Variants in DOCK6 observed in about 807,000 individuals in gnomAD.
DOCK6 encodes dedicator of cytokinesis 6, also known as dedicator of cytokinesis protein 6.
Under a neutral mutation model 230.3 loss-of-function variants are expected in DOCK6, and 167 were observed. That is an observed-to-expected ratio of 0.73 (90% CI 0.64 to 0.82). The LOEUF is 0.82. Among genes scored for constraint, DOCK6 ranks in the 40% least tolerant of loss-of-function variants. The pLI is 0.00. For missense variants in DOCK6, 2,598 were observed against 2,825.8 expected (o/e 0.92, Z 1.83); for synonymous variants, 1,148 against 1,185.0 (o/e 0.97, Z 0.64).
chr19:11,206,493 C>T (rs1362651635), intron 39 of DOCK6: 3 of 151,286 alleles, frequency 2.0e-5, no homozygotes, highest in South Asian at 2.1e-4. Flanking sequence ...TCACCTGAGC[C>T]GAGGACATAG....
intron 21 of DOCK6, 52 bp from the exon 22 acceptor site, chr19:11,233,418 C>T: frequency 6.3e-7 from 1 of 1,579,478 alleles, no homozygotes. Context: ...TGTGATGCCT[C>T]CCAGTCCCTT....
intron 1 of DOCK6, among the ~76,000 whole-genome samples, chr19:11,254,310 C>T (rs906812066): frequency 2.0e-5 from 3 of 152,212 alleles, no homozygotes; most frequent in Non-Finnish European, 2.9e-5. Context: ...CTGCGGGGCC[C>T]AGAGCTGGGA....
In DOCK6 at chr19:11,201,217, C is replaced by G. The variant is rs2079164133; in HGVS notation, c.5689-165G>C. ...TGGGTCTGACTCTGGGGGGGTCCAG[C>G]CTTGGGTCTGCTGGGTCTGGTGCCC... On this transcript the variant is annotated intron_variant, in intron 44 of 47. Coordinates refer to ENST00000294618, the MANE Select transcript of DOCK6 (RefSeq NM_020812.4). The surrounding 1 kb of genome is among the most constrained non-coding windows in gnomAD (Gnocchi z 4.3). Among the ~76,000 whole-genome samples, 1 of 151,948 alleles carries G rather than the reference C, an allele frequency of 6.6e-6. No individual in the cohort carries two copies. The highest frequency in any genetic ancestry group is 1.5e-5 in the Non-Finnish European group (1 of 67,968).
rs34909412 is a variant in DOCK6, at chr19:11,252,868, G to A, written c.223C>T (p.Leu75=). The A allele has an allele frequency of 1.4e-4, 218 of 1,613,896 alleles. No homozygotes were observed. In the African/African-American group the frequency reaches 2.6e-3, roughly 20 times the overall value. Residue 75 remains leucine, a synonymous_variant, in exon 3 of 48, where the codon CTG becomes TTG. Coordinates refer to ENST00000294618, the MANE Select transcript of DOCK6 (RefSeq NM_020812.4). ...AAGTCATCAGCTGGGAATTCTACCA[G>A]GTCCCTGAGGGGCCCGGGCTCAGCA... is the stretch of plus-strand genomic sequence containing the variant. ...PDAEPGPLRD[L]VEFPADDLEL...
chr19:11,214,217 G>C (rs2079440643), intron 34 of DOCK6, 58 bp downstream of exon 34: 1 of 1,529,574 alleles, frequency 6.5e-7, no homozygotes, highest in Admixed American at 2.0e-5. Context: ...GAGCCACTGT[G>C]CTCAGCCTAG....
chr19:11,215,404 G>A lies in DOCK6; in HGVS notation c.4089C>T (p.Thr1363=), dbSNP rs1302228948. The A allele has an allele frequency of 6.2e-7, 1 of 1,613,508 alleles. No individual in the cohort carries two copies. The highest frequency in any genetic ancestry group is 1.7e-4 in the Middle Eastern group (1 of 6,058). ...ACACCTACTTGTCCACGCGGTCTGAGGTTTGCTTCCAGTGTGTGACGCTCT... is the reference window on the plus strand; with the variant it reads ...ACACCTACTTGTCCACGCGGTCTGAAGTTTGCTTCCAGTGTGTGACGCTCT... ...WRKSVTHWKQ[T]SDRVDKTKDE... Residue 1363 remains threonine, a synonymous_variant, in exon 32 of 48, where the codon ACC becomes ACT. Transcript: ENST00000294618.
chr19:11,250,960 G>C lies in DOCK6; in HGVS notation c.634C>G (p.Pro212Ala). Residue 212 changes from proline to alanine, a missense_variant, in exon 6 of 48, where the codon CCA becomes GCA. Pro to Ala is a conservative substitution (Grantham distance 27, BLOSUM62 -1). Transcript: ENST00000294618. Reference sequence around the variant, plus strand: ...TCATTGCGCCGGTCCACATCTTCTGGGGCCGCCCGCTCTAGCAGAGAGGGC... The same window carrying C: ...TCATTGCGCCGGTCCACATCTTCTGCGGCCGCCCGCTCTAGCAGAGAGGGC... ...LLPSLLERAAPEDVDRRNETL... is the reference protein window; with the variant it reads ...LLPSLLERAAAEDVDRRNETL... 6.2e-7 allele frequency: 1 copy of C among 1,613,696 alleles called. No homozygotes were observed. The highest frequency in any genetic ancestry group is 2.2e-5 in the East Asian group (1 of 44,860).
intron 6 of DOCK6, among the ~76,000 whole-genome samples, chr19:11,248,602 G>A (rs2080071775): frequency 6.6e-6 from 1 of 151,986 alleles, no homozygotes; most frequent in African/African-American, 2.4e-5. Context: ...CTGAGGCCTG[G>A]GCAGGCACCT....
At chr19:11,209,568 C>G (rs2079328441) in intron 37 of DOCK6, among the ~76,000 whole-genome samples, 2 of 147,102 alleles carry the variant, frequency 1.4e-5, no homozygotes, top group African/African-American at 5.1e-5. Context: ...ACCTGTCCAC[C>G]CCCTCACCTG....
chr19:11,236,891 A>C lies in DOCK6; in HGVS notation c.2074-12T>G, dbSNP rs1037222394. On this transcript the variant is annotated splice_polypyrimidine_tract_variant and intron_variant, in intron 18 of 47. Transcript: ENST00000294618. The surrounding 1 kb of genome is among the most constrained non-coding windows in gnomAD (Gnocchi z 5.2). ...CCCGGAAGCGCCACCTGTGGGAGGG[A>C]GGCACCAGGTGGGCACTGGTCAGCC... The C allele has an allele frequency of 3.2e-6, 5 of 1,550,178 alleles. No individual in the cohort carries two copies. The Admixed American group carries it at 9.8e-5, about 30-fold the overall frequency.
At chr19:11,228,458 G>C (rs536519273) in intron 23 of DOCK6, among the ~76,000 whole-genome samples, 1 of 151,960 alleles carries the variant, frequency 6.6e-6, no homozygotes, top group Non-Finnish European at 1.5e-5. Flanking sequence ...GTCTCTCCAG[G>C]GAGACACCAC....
rs774992243 is a variant in DOCK6, at chr19:11,251,069, G to A, written c.525C>T (p.Gly175=). Residue 175 remains glycine (G), a synonymous_variant, in exon 6 of 48, where the codon GGC becomes GGT. Coordinates refer to ENST00000294618, the MANE Select transcript of DOCK6 (RefSeq NM_020812.4). ...GPEDSNDSRR[G]SGSPEDTPRS... ...GAGGGGTGTCTTCCGGGGAGCCCGA[G>A]CCACGCCGGGAGTCATTCTGCCAGT... 2 of 1,611,880 alleles carry A rather than the reference G, an allele frequency of 1.2e-6. No homozygotes were observed. Among genetic ancestry groups the A allele is most frequent in the South Asian group, 2.2e-5 (2 of 90,616 alleles).
Position 11,243,165 on chromosome 19 carries a change from C to A in DOCK6, c.1387-13G>T. The A allele has an allele frequency of 6.2e-7, 1 of 1,613,250 alleles. No individual in the cohort carries two copies. The highest frequency in any genetic ancestry group is 1.1e-5 in the South Asian group (1 of 91,072). On this transcript the variant is annotated splice_polypyrimidine_tract_variant and intron_variant, in intron 12 of 47. Transcript: ENST00000294618. This position sits in a 1 kb window ranked among gnomAD's most constrained non-coding sequence, Gnocchi z 6.3. ...GTCGCTCAGCCTCCTACATGGGACC[C>A]ACTCCCGTCAGCCTGGGCCAGGGGG...
chr19:11,262,383 C>T lies in DOCK6; in HGVS notation c.44+14G>A. On this transcript the variant is annotated intron_variant, in intron 1 of 47. Transcript: ENST00000294618. ...ACGTGGGGGAGGTGGGAGGGGGCCC[C>T]GCGGCCACACTACCTGTTGATCTTG... 1.6e-6 allele frequency: 2 copies of T among 1,278,064 alleles called. No homozygotes were observed. Among genetic ancestry groups the T allele is most frequent in the Non-Finnish European group, 2.0e-6 (2 of 1,010,984 alleles). 79.2% of individuals were successfully genotyped at this position (1,278,064 alleles called of 1,614,324 possible). A position where few individuals can be genotyped will look rare whatever the true frequency, so the allele number is the denominator to read the frequency against.
At chr19:11,230,682 G>A (rs2079751727) in intron 22 of DOCK6, among the ~76,000 whole-genome samples, 1 of 151,998 alleles carries the variant, frequency 6.6e-6, no homozygotes, top group Admixed American at 6.6e-5. Flanking sequence ...TGGGGAAGGA[G>A]GAGAAAGACA....
At chr19:11,220,006 T>C (rs1166320043) in intron 28 of DOCK6, among the ~76,000 whole-genome samples, 1 of 151,252 alleles carries the variant, frequency 6.6e-6, no homozygotes, top group African/African-American at 2.4e-5. Context: ...CAGGCTGGAG[T>C]GCAATGGCAC....
rs1477284366 is a variant in DOCK6 at position 11,235,870 on chromosome 19, G to A, written c.2393-111C>T. 6 of 1,316,604 alleles carry A rather than the reference G, an allele frequency of 4.6e-6. No individual in the cohort carries two copies. In the African/African-American group the frequency reaches 7.6e-5, roughly 17 times the overall value. 81.6% of individuals were successfully genotyped at this position (1,316,604 alleles called of 1,614,324 possible). ...TGAGGGATCATGTGCTCATTAAGGG[G>A]TCACAAATTTTTTTTTTTTTTTTTT... is the stretch of plus-strand genomic sequence containing the variant. On this transcript the variant is annotated intron_variant, in intron 20 of 47. Coordinates refer to ENST00000294618, the MANE Select transcript of DOCK6 (RefSeq NM_020812.4).
rs553111923 is a variant in DOCK6, at chr19:11,217,631, G to A, written c.3551-240C>T. ...AAATTAGCTGGGTGTGGTGGCGGGC[G>A]CCTGTAATCCCAGCTACTCGGGAGG... On this transcript the variant is annotated intron_variant, in intron 28 of 47. Transcript: ENST00000294618. Among the ~76,000 whole-genome samples the A allele has an allele frequency of 5.9e-4, 90 of 151,348 alleles. No individual in the cohort carries two copies. In the East Asian group the frequency reaches 0.014, roughly 23 times the overall value.
intron 7 of DOCK6, 51 bp from the exon 8 acceptor site, chr19:11,245,929 A>G (rs547368328): frequency 1.9e-6 from 3 of 1,548,170 alleles, no homozygotes; most frequent in Admixed American, 2.0e-5. Context: ...CCCGCTGTCC[A>G]CACACCCCAC....
Sources: allele counts gnomAD v4.1 joint callset (sites outside exome capture counted in the v4.1 genomes callset), GRCh38; gene constraint gnomAD v4.1.1; non-coding constraint Gnocchi (gnomAD v3.1); transcripts MANE v1.5; gene names NCBI Gene and HGNC (gene_info 2026-07-23, HGNC 2026-07-21).